Variants in UNC13B observed in about 807,000 individuals in gnomAD.
UNC13B encodes the protein protein unc-13 homolog B.
In UNC13B, 144 loss-of-function variants were observed where a neutral mutation model predicts 211.0. The ratio of observed to expected loss-of-function variants is 0.68; its 90% CI spans 0.60 to 0.78. The LOEUF is 0.78. UNC13B is among the 30% of genes least tolerant of loss of function. The pLI, the probability that UNC13B is intolerant of heterozygous loss-of-function variation, is 0.00. For synonymous variants in UNC13B, 709 were observed against 725.8 expected, an observed-to-expected ratio of 0.98 and a Z score of 0.37; for missense variants, 1,777 against 2,002.0, an observed-to-expected ratio of 0.89 and a Z score of 2.14.
At chr9:35,209,905 C>T (rs1025792595) in intron 1 of UNC13B, among the ~76,000 whole-genome samples, 6 of 152,070 alleles carry the variant, frequency 3.9e-5, no homozygotes, top group Non-Finnish European at 7.4e-5. Flanking sequence ...CTAATACTTT[C>T]CTTAGGTGCC....
At chr9:35,386,945 A>G (rs969691121) in intron 24 of UNC13B, among the ~76,000 whole-genome samples, 7 of 152,158 alleles carry the variant, frequency 4.6e-5, no homozygotes, top group South Asian at 2.1e-4. Context: ...TCTAGCTCCA[A>G]TTACTCAATT....
chr9:35,339,434 T>A (rs746919128), intron 11 of UNC13B, among the ~76,000 whole-genome samples: 2 of 152,232 alleles, frequency 1.3e-5, no homozygotes, highest in Non-Finnish European at 2.9e-5. Context: ...CCCAAAGAGC[T>A]AGTCCACTGA....
At chr9:35,175,256 G>C (rs1245404470) in intron 1 of UNC13B, among the ~76,000 whole-genome samples, 1 of 152,222 alleles carries the variant, frequency 6.6e-6, no homozygotes, top group Non-Finnish European at 1.5e-5. Context: ...CCCAAATGTA[G>C]GTTTGTAGCT....
Position 35,384,359 on chromosome 9 carries a change from C to T in UNC13B, c.10875+45C>T, listed in dbSNP as rs192780044. On this transcript the variant is annotated intron_variant, in intron 22 of 39. Transcript: ENST00000635942. Reference sequence around the variant, plus strand: ...TGGGCAGGATAATAGATATCAAGCACGGTCCCAGAGAGACTGTAGGCCAAT... The same window carrying T: ...TGGGCAGGATAATAGATATCAAGCATGGTCCCAGAGAGACTGTAGGCCAAT... 1.9e-4 allele frequency: 306 copies of T among 1,607,098 alleles called. 2 individuals are homozygous for T. In the African/African-American group the frequency reaches 3.3e-3, roughly 17 times the overall value.
chr9:35,301,518 G>A lies in UNC13B; in HGVS notation c.2114G>A (p.Ser705Asn), dbSNP rs1169307894. Reference sequence around the variant, plus strand: ...GGCACTCTTGACAATTACAGTAGTAGCATCATTGCTTTAAATGGGAGTGAT... The same window carrying A: ...GGCACTCTTGACAATTACAGTAGTAACATCATTGCTTTAAATGGGAGTGAT... ...REGTLDNYSS[S>N]IIALNGSDEE... The change falls in exon 9 of 40, where the codon AGC (serine) becomes AAC (asparagine). Residue 705 changes from serine to asparagine, a missense_variant. Coordinates refer to ENST00000635942, the MANE Select transcript of UNC13B (RefSeq NM_001371189.2). 1 of 398,704 alleles carries A rather than the reference G, an allele frequency of 2.5e-6. No individual in the cohort carries two copies. Among genetic ancestry groups the A allele is most frequent in the East Asian group, 3.6e-5 (1 of 28,068 alleles). The allele number at this position is 398,704 out of a possible 1,614,324, so 24.7% of individuals were successfully genotyped here. A position where few individuals can be genotyped will look rare whatever the true frequency, so the allele number is the denominator to read the frequency against.
At chr9:35,313,625 A>AAAATAAATAAATAAATAAAT (rs149145175) in intron 10 of UNC13B, among the ~76,000 whole-genome samples, 18 of 134,048 alleles carry the variant, frequency 1.3e-4, no homozygotes, top group African/African-American at 2.8e-4. Context: ...ACCCTGTCTC[A>AAAATAAATAAATAAATAAAT]AAATAAATAA....
At chr9:35,228,361 A>G (rs1483475124) in intron 2 of UNC13B, among the ~76,000 whole-genome samples, 1 of 151,880 alleles carries the variant, frequency 6.6e-6, no homozygotes, top group Non-Finnish European at 1.5e-5. Flanking sequence ...TTTTACTTTA[A>G]GTTCTAGGGT....
chr9:35,178,528 C>T lies in UNC13B; in HGVS notation c.22+16223C>T, dbSNP rs1454458975. ...AAAAGAACAAACAAAAAAACACATA[C>T]ACACACACATACAATTGATTGCTCT... On this transcript the variant is annotated intron_variant, in intron 1 of 39. Coordinates refer to ENST00000635942, the MANE Select transcript of UNC13B (RefSeq NM_001371189.2). Among the ~76,000 whole-genome samples, 3 of 151,142 alleles carry T rather than the reference C, an allele frequency of 2.0e-5. No individual in the cohort carries two copies. In the East Asian group the frequency reaches 5.8e-4, roughly 29 times the overall value.
At chr9:35,398,490 G>A in intron 31 of UNC13B, 64 bp from the exon 32 acceptor site, 1 of 1,508,262 alleles carries the variant, frequency 6.6e-7, no homozygotes, top group African/African-American at 1.4e-5. Context: ...AAGTAGTAGG[G>A]GTGTGGCAGG....
Position 35,398,937 on chromosome 9 carries a change from G to A in UNC13B, c.11977G>A (p.Val3993Ile), listed in dbSNP as rs1836080682. 1.9e-6 allele frequency: 3 copies of A among 1,614,200 alleles called. No homozygotes were observed. The highest frequency in any genetic ancestry group is 1.7e-6 in the Non-Finnish European group (2 of 1,180,024). ...VRQMADILGQ[V>I]RGTGNASPDA... ...ACAAATGGCCGACATCCTGGGCCAG[G>A]TTCGGGGCACAGGGAATGCATCTCC... Residue 3993 changes from valine to isoleucine, a missense_variant, in exon 33 of 40, where the codon GTT becomes ATT. Physicochemically the swap from Val to Ile is conservative, Grantham distance 29. Coordinates refer to ENST00000635942, the MANE Select transcript of UNC13B (RefSeq NM_001371189.2).
Position 35,396,908 on chromosome 9 carries a change from G to C in UNC13B, c.11503G>C (p.Gly3835Arg), listed in dbSNP as rs1445256842. 2.5e-6 allele frequency: 4 copies of C among 1,614,134 alleles called. No individual in the cohort carries two copies. Among genetic ancestry groups the C allele is most frequent in the Non-Finnish European group, 3.4e-6 (4 of 1,180,028 alleles). ...GGATGTATCCCTGGAATTCCTGCGTGGGGCCCTGGAACGAGATAAGAAGGA... is the reference window on the plus strand; with the variant it reads ...GGATGTATCCCTGGAATTCCTGCGTCGGGCCCTGGAACGAGATAAGAAGGA... ...NEDVSLEFLR[G>R]ALERDKKDGF... The change falls in exon 28 of 40, where the codon GGG becomes CGG. Residue 3835 changes from glycine (G) to arginine (R), a missense_variant. Transcript: ENST00000635942.
intron 5 of UNC13B, among the ~76,000 whole-genome samples, chr9:35,239,279 C>T (rs1350527668): frequency 1.3e-5 from 2 of 151,828 alleles, no homozygotes; most frequent in African/African-American, 4.8e-5. Context: ...GGAAAGAGTA[C>T]AAAAGAGGGA....
At chr9:35,296,050 C>T in intron 8 of UNC13B, 120 bp downstream of exon 8, 1 of 838,932 alleles carries the variant, frequency 1.2e-6, no homozygotes, top group Non-Finnish European at 1.9e-6. Flanking sequence ...GTATCACCGG[C>T]CAAACTACAG....
chr9:35,169,405 G>T (rs1271493099), intron 1 of UNC13B, among the ~76,000 whole-genome samples: 1 of 152,180 alleles, frequency 6.6e-6, no homozygotes, highest in African/African-American at 2.4e-5. Flanking sequence ...ATTGTGCATT[G>T]ATTCTACTCT....
intron 11 of UNC13B, among the ~76,000 whole-genome samples, chr9:35,330,839 G>A (rs185009882): frequency 6.6e-6 from 1 of 152,196 alleles, no homozygotes; most frequent in East Asian, 1.9e-4. Flanking sequence ...TTGGAAGGGT[G>A]GATTTGGCTC....
At chr9:35,237,225 C>T (rs936518449) in intron 4 of UNC13B, among the ~76,000 whole-genome samples, 2 of 152,238 alleles carry the variant, frequency 1.3e-5, no homozygotes, top group Admixed American at 6.5e-5. Context: ...CATGAGTTTT[C>T]TCTGGGAGTG....
At chr9:35,272,769 A>G (rs1827965805) in intron 7 of UNC13B, among the ~76,000 whole-genome samples, 1 of 152,234 alleles carries the variant, frequency 6.6e-6, no homozygotes, top group South Asian at 2.1e-4. Context: ...AGTTTAGTTC[A>G]ACAATACCAG....
intron 26 of UNC13B, among the ~76,000 whole-genome samples, chr9:35,396,172 C>T (rs181627029): frequency 6.6e-6 from 1 of 152,306 alleles, no homozygotes; most frequent in African/African-American, 2.4e-5. Context: ...GCCCTTTCTC[C>T]TCTTCTACAC....
intron 7 of UNC13B, among the ~76,000 whole-genome samples, chr9:35,284,105 C>A (rs948563978): frequency 2.0e-5 from 3 of 152,026 alleles, no homozygotes; most frequent in African/African-American, 7.2e-5. Context: ...ACTAAAAATA[C>A]AAAAATTAGC....
Sources: gnomAD v4.1 joint callset for allele counts (sites outside exome capture counted in the v4.1 genomes callset) on GRCh38, gnomAD v4.1.1 for gene constraint, MANE v1.5 for transcripts, NCBI Gene and HGNC (gene_info 2026-07-23, HGNC 2026-07-21) for gene names.